Variants in AFG2A observed in about 807,000 individuals in gnomAD.
AFG2A encodes ATPase family gene 2 protein homolog A.
chr4:123,112,173 A>G, the AFG2A span, among the ~76,000 whole-genome samples: 5 of 152,174 alleles, frequency 3.3e-5, no homozygotes, highest in African/African-American at 1.2e-4. Context: ...TCTCCCTTTG[A>G]GTGGAAACTA....
chr4:123,066,497 A>T, the AFG2A span, among the ~76,000 whole-genome samples: 1,544 of 152,234 alleles, frequency 0.01, 37 homozygotes, highest in African/African-American at 0.036. Flanking sequence ...CAAGACTAGA[A>T]CTCATGTCTT....
the AFG2A span, among the ~76,000 whole-genome samples, chr4:123,160,340 T>C: frequency 1.3e-5 from 2 of 152,160 alleles, no homozygotes; most frequent in Admixed American, 6.6e-5. Context: ...ACACACCTCT[T>C]CCTGAAAACA....
At chr4:122,972,747 C>G in the AFG2A span, among the ~76,000 whole-genome samples, 1 of 151,518 alleles carries the variant, frequency 6.6e-6, no homozygotes, top group South Asian at 2.1e-4. Flanking sequence ...TTTTTTGTTA[C>G]TGATTTTGTT....
the AFG2A span, among the ~76,000 whole-genome samples, chr4:123,208,405 A>G: frequency 6.6e-6 from 1 of 152,170 alleles, no homozygotes. Context: ...ATGACACCAA[A>G]AGCACAAGGA....
chr4:122,999,807 A>G, the AFG2A span, among the ~76,000 whole-genome samples: 1 of 151,996 alleles, frequency 6.6e-6, no homozygotes, highest in Admixed American at 6.6e-5. Flanking sequence ...TTTTGGTTCC[A>G]TATGAACTTT....
the AFG2A span, chr4:123,313,855 C>T: frequency 1.7e-5 from 26 of 1,510,242 alleles, no homozygotes; most frequent in Admixed American, 1.1e-4. Flanking sequence ...TGTTTTCTAC[C>T]TCCTTTTATT....
At chr4:123,005,519 C>A in the AFG2A span, among the ~76,000 whole-genome samples, 3 of 151,914 alleles carry the variant, frequency 2.0e-5, no homozygotes, top group Non-Finnish European at 4.4e-5. Flanking sequence ...TATTTCTTTC[C>A]TTCTGTTTGC....
the AFG2A span, among the ~76,000 whole-genome samples, chr4:123,310,052 T>C: frequency 3.9e-5 from 6 of 152,210 alleles, no homozygotes; most frequent in Admixed American, 3.9e-4. Flanking sequence ...ATCCTAAGAA[T>C]ACATCTGTTT....
the AFG2A span, among the ~76,000 whole-genome samples, chr4:123,189,791 AT>A: frequency 9.0e-6 from 1 of 111,562 alleles, no homozygotes; most frequent in African/African-American, 3.3e-5. Flanking sequence ...AATTTAATCC[AT>A]TTGCTAAGGT....
the AFG2A span, among the ~76,000 whole-genome samples, chr4:123,207,416 C>T: frequency 1.3e-5 from 2 of 151,702 alleles, no homozygotes; most frequent in Non-Finnish European, 1.5e-5. Context: ...TGGACGCAAG[C>T]CATCCTCCCA....
the AFG2A span, among the ~76,000 whole-genome samples, chr4:122,997,921 T>A: frequency 6.6e-6 from 1 of 152,188 alleles, no homozygotes; most frequent in Non-Finnish European, 1.5e-5. Flanking sequence ...TTCATTTGCT[T>A]ATTGACCATT....
At chr4:123,098,371 T>G in the AFG2A span, among the ~76,000 whole-genome samples, 1 of 152,070 alleles carries the variant, frequency 6.6e-6, no homozygotes, top group African/African-American at 2.4e-5. Context: ...TATTTTTTTG[T>G]GATGAGGACA....
chr4:123,150,652 A>G, the AFG2A span, among the ~76,000 whole-genome samples: 1 of 152,248 alleles, frequency 6.6e-6, no homozygotes, highest in African/African-American at 2.4e-5. Context: ...CCATGTGCTC[A>G]TGGATATGAA....
chr4:122,935,110 A>G, the AFG2A span, among the ~76,000 whole-genome samples: 1 of 152,168 alleles, frequency 6.6e-6, no homozygotes, highest in African/African-American at 2.4e-5. Context: ...ATCTCTTTGC[A>G]CTGAAGCAGG....
chr4:122,975,709 A>G, the AFG2A span, among the ~76,000 whole-genome samples: 3 of 152,168 alleles, frequency 2.0e-5, no homozygotes, highest in East Asian at 5.8e-4. Context: ...AAGCATGTCT[A>G]TCCTTTGCTT....
At chr4:123,063,797 G>T in the AFG2A span, among the ~76,000 whole-genome samples, 1 of 151,876 alleles carries the variant, frequency 6.6e-6, no homozygotes, top group Admixed American at 6.6e-5. Flanking sequence ...CTAAATTCAG[G>T]ATGTTTCACA....
chr4:122,937,200 G>A, the AFG2A span, among the ~76,000 whole-genome samples: 1 of 152,030 alleles, frequency 6.6e-6, no homozygotes, highest in Non-Finnish European at 1.5e-5. Context: ...GCCATATTAT[G>A]AGTGACGTTA....
At chr4:123,231,744 C>A in the AFG2A span, among the ~76,000 whole-genome samples, 2 of 152,038 alleles carry the variant, frequency 1.3e-5, no homozygotes, top group Non-Finnish European at 2.9e-5. Context: ...CTCTTCCTTT[C>A]ACTTAAATAC....
At chr4:123,202,701 A>G in the AFG2A span, among the ~76,000 whole-genome samples, 1 of 152,212 alleles carries the variant, frequency 6.6e-6, no homozygotes, top group African/African-American at 2.4e-5. Flanking sequence ...GACCCCTATT[A>G]CAGATTCATA....
Sources: allele counts gnomAD v4.1 joint callset (sites outside exome capture counted in the v4.1 genomes callset), GRCh38; gene constraint gnomAD v4.1.1; transcripts MANE v1.5; gene names NCBI Gene and HGNC (gene_info 2026-07-23, HGNC 2026-07-21).